Variants in TUSC3 observed in about 807,000 individuals in gnomAD.
TUSC3 encodes the protein dolichyl-diphosphooligosaccharide--protein glycosyltransferase subunit TUSC3.
In TUSC3, 45 loss-of-function variants were observed where a neutral mutation model predicts 44.8. The ratio of observed to expected loss-of-function variants is 1.00; its 90% CI spans 0.79 to 1.29. The LOEUF (loss-of-function observed/expected upper bound fraction) is 1.29, where lower values mean the gene tolerates loss of function less well. Among genes scored for constraint, TUSC3 ranks in the 50% most tolerant of loss-of-function variants. TUSC3 has a pLI of 0.00. For missense variants in TUSC3, 519 were observed against 437.9 expected (o/e 1.19, Z -1.65); for synonymous variants, 212 against 152.9 (o/e 1.39, Z -2.85).
chr8:15,455,219 T>A (rs532521974), intron 1 of TUSC3, among the ~76,000 whole-genome samples: 165 of 152,274 alleles, frequency 1.1e-3, no homozygotes, highest in African/African-American at 3.7e-3. Flanking sequence ...TGTCCTCCTA[T>A]TCCTCCTCCC....
the TUSC3 span, among the ~76,000 whole-genome samples, chr8:15,830,953 C>T: frequency 0.016 from 2,454 of 152,150 alleles, 62 homozygotes; most frequent in African/African-American, 0.055. Flanking sequence ...GTGCACCTTG[C>T]CACGCTGTCA....
intron 8 of TUSC3, among the ~76,000 whole-genome samples, chr8:15,745,935 C>A (rs900734458): frequency 1.3e-5 from 2 of 151,880 alleles, no homozygotes; most frequent in Non-Finnish European, 2.9e-5. Context: ...TACTTTTCAT[C>A]TATATGGTGA....
In TUSC3 at chr8:15,690,323, G is replaced by A. The variant is rs3988419; in HGVS notation, c.798+16487G>A. On this transcript the variant is annotated intron_variant, in intron 6 of 10. Transcript: ENST00000503731. ...TGTATGTCTGCTTTTGAAAAGTGTC[G>A]GTTCATGTCCTTTGCCCACTTTTAA... Among the ~76,000 whole-genome samples, 895 of 151,368 alleles carry A rather than the reference G, an allele frequency of 5.9e-3. 9 individuals are homozygous for A. Among genetic ancestry groups the A allele is most frequent in the African/African-American group, 0.02 (826 of 41,398 alleles).
At chr8:15,726,515 AT>A (rs1278688295) in intron 6 of TUSC3, among the ~76,000 whole-genome samples, 1 of 152,120 alleles carries the variant, frequency 6.6e-6, no homozygotes, top group African/African-American at 2.4e-5. Context: ...TCTATGAAAT[AT>A]TCAATGGGGC....
At chr8:15,529,428 T>C (rs1484342268) in intron 2 of TUSC3, among the ~76,000 whole-genome samples, 1 of 152,202 alleles carries the variant, frequency 6.6e-6, no homozygotes, top group Non-Finnish European at 1.5e-5. Flanking sequence ...TACAATACTT[T>C]AATTACTGTT....
chr8:15,574,673 A>G (rs10093534), intron 1 of TUSC3, among the ~76,000 whole-genome samples: 1,904 of 152,262 alleles, frequency 0.013, 45 homozygotes, highest in African/African-American at 0.043. Context: ...AGTTGCTTCC[A>G]TGAGAGCTAG....
At chr8:15,577,867 T>G (rs1209421118) in intron 1 of TUSC3, among the ~76,000 whole-genome samples, 1 of 150,804 alleles carries the variant, frequency 6.6e-6, no homozygotes, top group Admixed American at 6.6e-5. Flanking sequence ...ATTGGTAGCT[T>G]GATGGGGATG....
intron 9 of TUSC3, among the ~76,000 whole-genome samples, chr8:15,753,113 T>C (rs1285228168): frequency 1.3e-5 from 2 of 152,026 alleles, no homozygotes; most frequent in East Asian, 1.9e-4. Flanking sequence ...CCTTTTTATG[T>C]TTTTTCTAAT....
At chr8:15,827,296 C>G in the TUSC3 span, among the ~76,000 whole-genome samples, 3 of 152,300 alleles carry the variant, frequency 2.0e-5, no homozygotes, top group East Asian at 5.8e-4. Flanking sequence ...AGTTACGGAG[C>G]AGTAACGGCT....
the TUSC3 span, among the ~76,000 whole-genome samples, chr8:15,772,316 T>C: frequency 2.0e-5 from 3 of 152,086 alleles, no homozygotes; most frequent in Non-Finnish European, 4.4e-5. Context: ...AAGAAAAAGA[T>C]ACAAATTACT....
intron 1 of TUSC3, among the ~76,000 whole-genome samples, chr8:15,428,402 C>G (rs1349172938): frequency 2.6e-5 from 4 of 151,934 alleles, no homozygotes; most frequent in African/African-American, 9.7e-5. Flanking sequence ...CAAGTCTTTG[C>G]TATTGTGAAT....
chr8:15,482,570 C>G (rs185254459), intron 1 of TUSC3, among the ~76,000 whole-genome samples: 1 of 152,138 alleles, frequency 6.6e-6, no homozygotes, highest in Non-Finnish European at 1.5e-5. Flanking sequence ...CATATAAAAG[C>G]TCTGATGAAG....
intron 1 of TUSC3, among the ~76,000 whole-genome samples, chr8:15,612,805 GA>G (rs1339207500): frequency 6.6e-6 from 1 of 151,852 alleles, no homozygotes; most frequent in Non-Finnish European, 1.5e-5. Context: ...TTTCTGATGT[GA>G]CAGATTTATG....
chr8:15,658,617 C>T (rs191002529), intron 3 of TUSC3, among the ~76,000 whole-genome samples: 5 of 140,976 alleles, frequency 3.5e-5, no homozygotes, highest in East Asian at 4.5e-4. Flanking sequence ...AAATTTAATT[C>T]GTGTATATAT....
chr8:15,449,701 C>T (rs1177421364), intron 1 of TUSC3, among the ~76,000 whole-genome samples: 2 of 152,132 alleles, frequency 1.3e-5, no homozygotes, highest in Non-Finnish European at 2.9e-5. Flanking sequence ...GCAAGGAGTC[C>T]TTTCAGTCTG....
intron 1 of TUSC3, among the ~76,000 whole-genome samples, chr8:15,471,335 GT>G (rs1453122600): frequency 1.3e-5 from 2 of 152,094 alleles, no homozygotes; most frequent in Non-Finnish European, 2.9e-5. Context: ...CTTCACTCTT[GT>G]TAATATAAAT....
At chr8:15,422,137 A>G (rs1050013526) in intron 1 of TUSC3, among the ~76,000 whole-genome samples, 2 of 152,200 alleles carry the variant, frequency 1.3e-5, no homozygotes, top group Non-Finnish European at 2.9e-5. Context: ...AATTTTGCAA[A>G]TAAATTCAAA....
the TUSC3 span, among the ~76,000 whole-genome samples, chr8:15,780,524 A>T: frequency 6.6e-6 from 1 of 152,276 alleles, no homozygotes; most frequent in Admixed American, 6.5e-5. Context: ...GGGCAGAGAA[A>T]ACTCAAATAT....
intron 6 of TUSC3, among the ~76,000 whole-genome samples, chr8:15,707,165 T>C (rs1049425676): frequency 6.6e-6 from 1 of 152,002 alleles, no homozygotes; most frequent in African/African-American, 2.4e-5. Flanking sequence ...TTAGTCACTT[T>C]CATAATGCCT....
Sources: allele counts gnomAD v4.1 joint callset (sites outside exome capture counted in the v4.1 genomes callset), GRCh38; gene constraint gnomAD v4.1.1; transcripts MANE v1.5; gene names NCBI Gene and HGNC (gene_info 2026-07-23, HGNC 2026-07-21).